The following XPO6 variants were observed in gnomAD, a reference collection of about 807,000 sequenced individuals.
XPO6 encodes the protein exportin 6.
XPO6 carries 3 observed loss-of-function variants against 130.0 expected under a neutral mutation model. That is an observed-to-expected ratio of 0.02 (90% confidence interval 0.01 to 0.06). The LOEUF (loss-of-function observed/expected upper bound fraction) is 0.06, where lower values mean the gene tolerates loss of function less well. Ranked by LOEUF, XPO6 falls within the 10% of genes least tolerant of loss-of-function variation. The pLI is 1.00. For missense variants in XPO6, 970 were observed against 1,393.0 expected, an observed-to-expected ratio of 0.70 and a Z score of 4.83; for synonymous variants, 524 against 548.9, an observed-to-expected ratio of 0.95 and a Z score of 0.63.
Position 28,133,825 on chromosome 16 carries a change from C to G in XPO6, c.1536+16G>C. On this transcript the variant is annotated intron_variant, in intron 11 of 23. Coordinates refer to ENST00000304658, the MANE Select transcript of XPO6 (RefSeq NM_015171.4). ...AGAAATCGCTACACTCTCCACTCCC[C>G]CGGACAGCACATTACCAGTGTGGAG... 2 of 1,613,682 alleles carry G rather than the reference C, an allele frequency of 1.2e-6. No homozygotes were observed. Among genetic ancestry groups the G allele is most frequent in the Non-Finnish European group, 1.7e-6 (2 of 1,179,754 alleles).
In XPO6 at chr16:28,132,507, C is replaced by T; in HGVS notation, c.1537-104G>A. 1.3e-6 allele frequency: 1 copy of T among 774,920 alleles called. No individual in the cohort carries two copies. The highest frequency in any genetic ancestry group is 1.8e-5 in the South Asian group (1 of 55,310). 48.0% of individuals were successfully genotyped at this position (774,920 alleles called of 1,614,324 possible). A position where few individuals can be genotyped will look rare whatever the true frequency, so the allele number is the denominator to read the frequency against. ...TAACACGTAACTATGGTGTGAGGAACAGGATCAAAACCTTTTCTCTGGGAA... is the reference window on the plus strand; with the variant it reads ...TAACACGTAACTATGGTGTGAGGAATAGGATCAAAACCTTTTCTCTGGGAA... On this transcript the variant is annotated intron_variant, in intron 11 of 23. Transcript: ENST00000304658. This position sits in a 1 kb window ranked among gnomAD's most constrained non-coding sequence, Gnocchi z 4.0.
Position 28,192,931 on chromosome 16 carries a change from G to A in XPO6, c.4-11900C>T, listed in dbSNP as rs191095514. 2.1e-3 allele frequency among the ~76,000 whole-genome samples: 320 copies of A among 152,268 alleles called. 2 individuals carry two copies. Among genetic ancestry groups the A allele is most frequent in the Admixed American group, 4.2e-3 (65 of 15,296 alleles). Reference sequence around the variant, plus strand: ...AGCATGGCAGGCAGAGAAAGTACCAGATTAGAGCCAGTCCTGGCTCTACTG... The same window carrying A: ...AGCATGGCAGGCAGAGAAAGTACCAAATTAGAGCCAGTCCTGGCTCTACTG... On this transcript the variant is annotated intron_variant, in intron 1 of 23. Transcript: ENST00000304658.
intron 1 of XPO6, among the ~76,000 whole-genome samples, chr16:28,202,436 C>T (rs2043968430): frequency 6.6e-6 from 1 of 151,982 alleles, no homozygotes; most frequent in Non-Finnish European, 1.5e-5. Context: ...GAAGAGAGGA[C>T]CGGTCATGAC....
chr16:28,175,749 T>C, intron 4 of XPO6, 149 bp downstream of exon 4: 1 of 667,096 alleles, frequency 1.5e-6, no homozygotes, highest in Admixed American at 2.9e-5. Flanking sequence ...GTCTTATAAA[T>C]ATAAAGTGAA....
intron 4 of XPO6, among the ~76,000 whole-genome samples, chr16:28,170,129 T>TA (rs1414472037): frequency 3.3e-5 from 5 of 151,994 alleles, no homozygotes; most frequent in African/African-American, 9.7e-5. Context: ...GGTCGGGAGT[T>TA]AGAGACCAGC....
chr16:28,196,056 C>T (rs568705899), intron 1 of XPO6, among the ~76,000 whole-genome samples: 3 of 152,302 alleles, frequency 2.0e-5, no homozygotes, highest in Non-Finnish European at 1.5e-5. Flanking sequence ...CACTGGCTTT[C>T]ACTCTCTAAG....
At chr16:28,125,185 C>A (rs2087363649) in intron 13 of XPO6, among the ~76,000 whole-genome samples, 1 of 152,200 alleles carries the variant, frequency 6.6e-6, no homozygotes, top group African/African-American at 2.4e-5. Flanking sequence ...CCAGCTTTCA[C>A]TCCCGAGGCC....
At chr16:28,178,970 G>A (rs2043574514) in intron 2 of XPO6, 1 of 151,958 alleles carries the variant, frequency 6.6e-6, no homozygotes, top group Non-Finnish European at 1.5e-5. Flanking sequence ...GGGAGGCTGA[G>A]GCAGGAGAAT....
intron 13 of XPO6, among the ~76,000 whole-genome samples, chr16:28,124,337 C>A (rs1046996198): frequency 6.6e-6 from 1 of 152,178 alleles, no homozygotes; most frequent in Non-Finnish European, 1.5e-5. Flanking sequence ...GGATTACGGG[C>A]GTGAGCCACT....
chr16:28,191,379 T>A (rs933018177), intron 1 of XPO6, among the ~76,000 whole-genome samples: 59 of 152,230 alleles, frequency 3.9e-4, no homozygotes, highest in Non-Finnish European at 5.9e-4. Context: ...GTCTTCACAG[T>A]CCCATCTGCT....
intron 18 of XPO6, 114 bp downstream of exon 18, chr16:28,107,408 A>G: frequency 7.8e-7 from 1 of 1,280,744 alleles, no homozygotes; most frequent in Non-Finnish European, 1.1e-6. Flanking sequence ...GTTTCGTTGC[A>G]CGGAACAAGT....
intron 1 of XPO6, among the ~76,000 whole-genome samples, chr16:28,184,821 T>G (rs1422993327): frequency 6.6e-6 from 1 of 152,200 alleles, no homozygotes; most frequent in Admixed American, 6.5e-5. Context: ...AACCAGCACA[T>G]GCATGTACTG....
At chr16:28,128,565 T>C (rs2042606343) in intron 12 of XPO6, among the ~76,000 whole-genome samples, 1 of 152,206 alleles carries the variant, frequency 6.6e-6, no homozygotes, top group Non-Finnish European at 1.5e-5. Context: ...GTATTTGTTT[T>C]AAAAACCAAA....
At chr16:28,164,645 C>A (rs1462040328) in intron 6 of XPO6, among the ~76,000 whole-genome samples, 3 of 152,132 alleles carry the variant, frequency 2.0e-5, no homozygotes, top group Non-Finnish European at 4.4e-5. Context: ...TTGTTACAAG[C>A]AAATGTCAAG....
intron 1 of XPO6, among the ~76,000 whole-genome samples, chr16:28,198,992 A>G (rs2043911668): frequency 6.6e-6 from 1 of 152,046 alleles, no homozygotes; most frequent in Non-Finnish European, 1.5e-5. Context: ...AAAAATATAA[A>G]AATTAGCCGG....
chr16:28,116,160 G>A (rs559502325), intron 15 of XPO6, among the ~76,000 whole-genome samples: 1 of 152,210 alleles, frequency 6.6e-6, no homozygotes, highest in African/African-American at 2.4e-5. Flanking sequence ...TTGGCTGTTT[G>A]GCTCAAGAGC....
chr16:28,141,590 C>G (rs993338146), intron 9 of XPO6, among the ~76,000 whole-genome samples: 2 of 152,166 alleles, frequency 1.3e-5, no homozygotes, highest in Non-Finnish European at 2.9e-5. Context: ...TGATCTACCC[C>G]ATCGGCCATT....
At chr16:28,170,739 T>C (rs1225529980) in intron 4 of XPO6, among the ~76,000 whole-genome samples, 1 of 152,218 alleles carries the variant, frequency 6.6e-6, no homozygotes, top group Non-Finnish European at 1.5e-5. Context: ...TAAGATTAGT[T>C]AGGATTTTGC....
chr16:28,124,856 T>A (rs2087351941), intron 13 of XPO6, among the ~76,000 whole-genome samples: 1 of 152,166 alleles, frequency 6.6e-6, no homozygotes, highest in Non-Finnish European at 1.5e-5. Context: ...GAGGCTCACT[T>A]CCCCTCTGCA....
Sources: allele counts gnomAD v4.1 joint callset (sites outside exome capture counted in the v4.1 genomes callset), GRCh38; gene constraint gnomAD v4.1.1; non-coding constraint Gnocchi (gnomAD v3.1); transcripts MANE v1.5; gene names NCBI Gene and HGNC (gene_info 2026-07-23, HGNC 2026-07-21).